YTHDF1: variants seen among roughly 807,000 people sequenced by gnomAD.
YTHDF1 encodes the protein YTH domain-containing family protein 1.
YTHDF1 carries 16 observed loss-of-function variants against 49.1 expected under a neutral mutation model. That is an observed-to-expected ratio of 0.33 (90% CI 0.22 to 0.49). The LOEUF (loss-of-function observed/expected upper bound fraction) is 0.49. Ranked by LOEUF, YTHDF1 falls within the 20% of genes least tolerant of loss-of-function variation. The pLI, the probability that YTHDF1 is intolerant of heterozygous loss-of-function variation, is 0.99. For synonymous variants in YTHDF1, 313 were observed against 290.1 expected (o/e 1.08, Z -0.80); for missense variants, 621 against 744.3 (o/e 0.83, Z 1.93).
intron 2 of YTHDF1, 124 bp from the exon 3 acceptor site, chr20:63,214,067 A>C (rs1211874507): frequency 2.6e-5 from 37 of 1,435,680 alleles, no homozygotes; most frequent in Non-Finnish European, 3.3e-5. Flanking sequence ...TAATTTTAAA[A>C]GGAGTACAAC....
intron 4 of YTHDF1, among the ~76,000 whole-genome samples, chr20:63,197,102 G>A (rs1005053372): frequency 1.3e-5 from 2 of 152,250 alleles, no homozygotes; most frequent in Non-Finnish European, 2.9e-5. Flanking sequence ...CTCAGAGGGA[G>A]GAGCTGGCAC....
chr20:63,214,252 A>C (rs2066590339), intron 2 of YTHDF1: 1 of 439,542 alleles, frequency 2.3e-6, no homozygotes, highest in Non-Finnish European at 3.0e-6. Flanking sequence ...TGGTCTAAGA[A>C]GACTTATGTG....
chr20:63,209,732 C>A (rs984832627), intron 3 of YTHDF1, among the ~76,000 whole-genome samples: 4 of 152,154 alleles, frequency 2.6e-5, no homozygotes, highest in Non-Finnish European at 5.9e-5. Flanking sequence ...AACAAAAAAA[C>A]CAAAAACCCA....
chr20:63,212,723 C>T (rs1030273385), intron 3 of YTHDF1, among the ~76,000 whole-genome samples: 1 of 152,136 alleles, frequency 6.6e-6, no homozygotes, highest in Non-Finnish European at 1.5e-5. Context: ...GAGAGCAGCT[C>T]CCAGTAGATT....
At chr20:63,208,969 C>T (rs1030904908) in intron 3 of YTHDF1, among the ~76,000 whole-genome samples, 1 of 152,224 alleles carries the variant, frequency 6.6e-6, no homozygotes, top group Non-Finnish European at 1.5e-5. Context: ...GAGGCAGTAT[C>T]CTTACCACAC....
intron 4 of YTHDF1, among the ~76,000 whole-genome samples, chr20:63,199,783 GCA>G (rs1040179464): frequency 1.1e-4 from 16 of 152,184 alleles, no homozygotes; most frequent in African/African-American, 3.6e-4. Context: ...TTGACGCCGG[GCA>G]CAGTGGCTCA....
chr20:63,212,329 G>A (rs1385064082), intron 3 of YTHDF1, among the ~76,000 whole-genome samples: 2 of 152,206 alleles, frequency 1.3e-5, no homozygotes, highest in East Asian at 1.9e-4. Flanking sequence ...GCAGTAGGAG[G>A]GAGGGGGATG....
intron 4 of YTHDF1, among the ~76,000 whole-genome samples, chr20:63,201,320 C>T (rs1254340126): frequency 6.6e-6 from 1 of 152,062 alleles, no homozygotes; most frequent in East Asian, 1.9e-4. Context: ...ATTCCTTTAA[C>T]ATAGAGAACT....
intron 3 of YTHDF1, among the ~76,000 whole-genome samples, chr20:63,210,230 G>A (rs1196700228): frequency 3.9e-5 from 6 of 152,138 alleles, no homozygotes; most frequent in Admixed American, 6.5e-5. Context: ...AACTGCATCC[G>A]GCAGCACAGG....
chr20:63,204,910 C>T (rs917104731), intron 3 of YTHDF1, among the ~76,000 whole-genome samples: 14 of 152,012 alleles, frequency 9.2e-5, no homozygotes, highest in African/African-American at 1.9e-4. Flanking sequence ...TATGTGTGTG[C>T]GCACACACAC....
At chr20:63,204,532 C>T in intron 3 of YTHDF1, among the ~76,000 whole-genome samples, 1 of 152,226 alleles carries the variant, frequency 6.6e-6, no homozygotes, top group Non-Finnish European at 1.5e-5. Context: ...AGGGCCCTGG[C>T]TGGCTCCAGC....
intron 3 of YTHDF1, among the ~76,000 whole-genome samples, chr20:63,204,967 T>G (rs770291230): frequency 4.3e-5 from 6 of 138,904 alleles, no homozygotes; most frequent in African/African-American, 1.1e-4. Flanking sequence ...GTAAGAAGGC[T>G]CCCACCTAGA....
At chr20:63,214,203 C>T (rs986328302) in intron 2 of YTHDF1, 1 of 779,898 alleles carries the variant, frequency 1.3e-6, no homozygotes, top group Non-Finnish European at 1.6e-6. Flanking sequence ...AGTGTTAACA[C>T]ATAATGCAAG....
intron 4 of YTHDF1, among the ~76,000 whole-genome samples, chr20:63,198,234 AC>A (rs1265463901): frequency 6.6e-6 from 1 of 151,496 alleles, no homozygotes; most frequent in African/African-American, 2.4e-5. Flanking sequence ...GGAATTTGAG[AC>A]CAGCTTGGTC....
chr20:63,203,104 G>A lies in YTHDF1; in HGVS notation c.836C>T (p.Pro279Leu), dbSNP rs560798392. The A allele has an allele frequency of 6.2e-7, 1 of 1,611,390 alleles. No individual in the cohort carries two copies. The highest frequency in any genetic ancestry group is 8.5e-7 in the Non-Finnish European group (1 of 1,178,524). Reference protein sequence around the residue: ...MDIGTWDNKGPVPKAPVPQQA... With the variant: ...MDIGTWDNKGLVPKAPVPQQA... ...CTGGGGGACTGGGGCCTTCGGCACA[G>A]GCCCCTTGTTATCCCAGGTGCCAAT... is the stretch of plus-strand genomic sequence containing the variant. The change falls in exon 4 of 5, where the codon CCT (proline) becomes CTT (leucine). Residue 279 changes from proline (P) to leucine (L), a missense_variant. Physicochemically the swap from Pro to Leu is moderately conservative, Grantham distance 98 (BLOSUM62 -3). Coordinates refer to ENST00000370339, the MANE Select transcript of YTHDF1 (RefSeq NM_017798.4). The surrounding 1 kb of genome is among the most constrained non-coding windows in gnomAD (Gnocchi z 4.4).
In YTHDF1 at chr20:63,202,834, T is replaced by C; in HGVS notation, c.1106A>G (p.Glu369Gly). The C allele has an allele frequency of 6.2e-7, 1 of 1,613,984 alleles. No individual in the cohort carries two copies. The highest frequency in any genetic ancestry group is 8.5e-7 in the Non-Finnish European group (1 of 1,180,050). ...GTAGCTGTGAGCAGCCTTCAGTTTT[T>C]CAAGGACGGGGTGGGATTCGACGCT... ...APSVESHPVL[E>G]KLKAAHSYNP... Residue 369 changes from glutamate to glycine, a missense_variant, in exon 4 of 5, where the codon GAA becomes GGA. Coordinates refer to ENST00000370339, the MANE Select transcript of YTHDF1 (RefSeq NM_017798.4).
chr20:63,197,570 T>A (rs560886771), intron 4 of YTHDF1, among the ~76,000 whole-genome samples: 6 of 152,258 alleles, frequency 3.9e-5, no homozygotes, highest in African/African-American at 1.4e-4. Flanking sequence ...GAGCACACGC[T>A]GCACCACTCT....
In YTHDF1 at chr20:63,202,734, G is replaced by A. The variant is rs748940765; in HGVS notation, c.1206C>T (p.Ile402=). 2.5e-6 allele frequency: 4 copies of A among 1,614,214 alleles called. No homozygotes were observed. Among genetic ancestry groups the A allele is most frequent in the Non-Finnish European group, 3.4e-6 (4 of 1,180,040 alleles). The change falls in exon 4 of 5, where the codon ATC becomes ATT. Residue 402 remains isoleucine (I), a synonymous_variant. Transcript: ENST00000370339. The part of the protein sequence containing the change: ...FIIKSYSEDD[I]HRSIKYSIWC... Reference sequence around the variant, plus strand: ...AGATGGAGTACTTAATGGAGCGGTGGATGTCGTCCTCAGAGTAGCTCTTGA... The same window carrying A: ...AGATGGAGTACTTAATGGAGCGGTGAATGTCGTCCTCAGAGTAGCTCTTGA...
At chr20:63,210,715 G>C (rs1236565333) in intron 3 of YTHDF1, among the ~76,000 whole-genome samples, 4 of 152,174 alleles carry the variant, frequency 2.6e-5, no homozygotes, top group Non-Finnish European at 5.9e-5. Context: ...TTGAGCCAGG[G>C]AGGTGGAGGC....
Sources: allele counts gnomAD v4.1 joint callset (sites outside exome capture counted in the v4.1 genomes callset), GRCh38; gene constraint gnomAD v4.1.1; non-coding constraint Gnocchi (gnomAD v3.1); transcripts MANE v1.5; gene names NCBI Gene and HGNC (gene_info 2026-07-23, HGNC 2026-07-21).